GALNT14: variants seen among roughly 807,000 people sequenced by gnomAD.
The protein encoded by GALNT14 is UDP-GalNAc:polypeptide N-acetylgalactosaminyltransferase 14.
In GALNT14, 60 loss-of-function variants were observed where a neutral mutation model predicts 77.5. The observed-to-expected ratio is 0.77, with a 90% confidence interval of 0.63 to 0.96. GALNT14 has a LOEUF of 0.96. Ranked by LOEUF, GALNT14 falls within the 40% of genes least tolerant of loss-of-function variation. The pLI is 0.00. For synonymous variants in GALNT14, 280 were observed against 281.7 expected (o/e 0.99, Z 0.06); for missense variants, 710 against 731.0 (o/e 0.97, Z 0.33).
chr2:31,104,173 T>C (rs1677433025), intron 1 of GALNT14, among the ~76,000 whole-genome samples: 1 of 152,186 alleles, frequency 6.6e-6, no homozygotes, highest in South Asian at 2.1e-4. Context: ...AGTCTTTCTT[T>C]CTGTCTCTCT....
chr2:30,988,614 C>T (rs984547500), intron 2 of GALNT14, among the ~76,000 whole-genome samples: 11 of 152,126 alleles, frequency 7.2e-5, no homozygotes, highest in African/African-American at 2.7e-4. Flanking sequence ...CCTCTACTCT[C>T]GACTCAGACC....
intron 1 of GALNT14, among the ~76,000 whole-genome samples, chr2:31,122,921 C>T (rs139378701): frequency 0.012 from 1,819 of 152,276 alleles, 41 homozygotes; most frequent in African/African-American, 0.041. Flanking sequence ...GTGGCTTACG[C>T]CTGTAATCCC....
intron 13 of GALNT14, among the ~76,000 whole-genome samples, chr2:30,922,235 G>C (rs1383325119): frequency 1.2e-5 from 1 of 84,166 alleles, no homozygotes; most frequent in African/African-American, 4.8e-5. Flanking sequence ...AGAAAGTCCA[G>C]GTAGGAGATC....
At chr2:30,961,683 T>A (rs1667698833) in intron 3 of GALNT14, among the ~76,000 whole-genome samples, 1 of 150,408 alleles carries the variant, frequency 6.6e-6, no homozygotes, top group African/African-American at 2.5e-5. Flanking sequence ...GGTTAGACTT[T>A]CTTTTTTTTT....
chr2:30,977,634 G>A (rs754189002), intron 2 of GALNT14, among the ~76,000 whole-genome samples: 1 of 152,146 alleles, frequency 6.6e-6, no homozygotes, highest in African/African-American at 2.4e-5. Flanking sequence ...AGTAAGGCCT[G>A]CAGCCAAGGA....
intron 1 of GALNT14, among the ~76,000 whole-genome samples, chr2:31,076,421 C>T (rs1675790323): frequency 6.6e-6 from 1 of 152,056 alleles, no homozygotes; most frequent in Non-Finnish European, 1.5e-5. Flanking sequence ...TGTCTCCACC[C>T]CCGCTCTGAG....
Position 31,121,067 on chromosome 2 carries a change from T to G in GALNT14, c.129+16891A>C, listed in dbSNP as rs773779724. 2.4e-4 allele frequency among the ~76,000 whole-genome samples: 37 copies of G among 152,300 alleles called. No homozygotes were observed. The Middle Eastern group carries it at 0.01, about 42-fold the overall frequency. On this transcript the variant is annotated intron_variant, in intron 1 of 14. Transcript: ENST00000349752. ...AAGAAAGAATTCTTCCAGGCCCTGG[T>G]CACATCAGCAGGGATGTCTTCACAG...
At chr2:30,912,982 C>T (rs1664461004) in intron 13 of GALNT14, among the ~76,000 whole-genome samples, 1 of 152,016 alleles carries the variant, frequency 6.6e-6, no homozygotes, top group African/African-American at 2.4e-5. Context: ...ATCTTTTGGC[C>T]CCTGAGCTCT....
chr2:30,944,159 C>G (rs1352246817), intron 8 of GALNT14, among the ~76,000 whole-genome samples: 2 of 152,130 alleles, frequency 1.3e-5, no homozygotes, highest in Non-Finnish European at 2.9e-5. Context: ...GTTTACTGTC[C>G]AGTAGGTAGG....
chr2:30,971,396 T>C (rs973717260), intron 2 of GALNT14, among the ~76,000 whole-genome samples: 1 of 152,182 alleles, frequency 6.6e-6, no homozygotes, highest in Admixed American at 6.5e-5. Flanking sequence ...AGAGTCTCCA[T>C]GAGCCAGGAG....
the GALNT14 span, among the ~76,000 whole-genome samples, chr2:30,905,151 C>T: frequency 5.4e-4 from 82 of 151,988 alleles, no homozygotes; most frequent in African/African-American, 1.8e-3. Flanking sequence ...AAAAGCAGAG[C>T]GCCTCTCCTC....
intron 1 of GALNT14, among the ~76,000 whole-genome samples, chr2:31,081,553 G>T (rs1022226445): frequency 6.6e-6 from 1 of 152,174 alleles, no homozygotes; most frequent in African/African-American, 2.4e-5. Flanking sequence ...TACACTTACA[G>T]CAAAAAATAG....
intron 1 of GALNT14, among the ~76,000 whole-genome samples, chr2:31,108,420 A>G (rs1259014613): frequency 1.3e-5 from 2 of 152,256 alleles, no homozygotes; most frequent in African/African-American, 4.8e-5. Context: ...CCGCTCAATT[A>G]CACAGGCGGG....
At chr2:30,950,460 C>T (rs1481823378) in intron 6 of GALNT14, among the ~76,000 whole-genome samples, 1 of 152,168 alleles carries the variant, frequency 6.6e-6, no homozygotes, top group East Asian at 1.9e-4. Flanking sequence ...CCAATTACAG[C>T]TTAAAATTTC....
At chr2:30,942,404 G>T in intron 8 of GALNT14, 100 bp from the exon 9 acceptor site, 1 of 844,844 alleles carries the variant, frequency 1.2e-6, no homozygotes, top group Non-Finnish European at 1.9e-6. Context: ...TTCCCATTTG[G>T]GGAAAGAAAA....
chr2:31,052,286 C>A (rs1002147766), intron 1 of GALNT14, among the ~76,000 whole-genome samples: 1 of 152,134 alleles, frequency 6.6e-6, no homozygotes, highest in Non-Finnish European at 1.5e-5. Context: ...CTTCTGTGAG[C>A]CTTGGTGTCC....
intron 1 of GALNT14, among the ~76,000 whole-genome samples, chr2:31,085,330 T>G (rs1676375790): frequency 1.3e-5 from 2 of 152,118 alleles, no homozygotes; most frequent in Admixed American, 1.3e-4. Context: ...ATCAGGACAA[T>G]GAGAAGGGCC....
rs557659385 is a variant in GALNT14, at chr2:31,005,309, C to G, written c.130-12302G>C. On this transcript the variant is annotated intron_variant, in intron 1 of 14. Coordinates refer to ENST00000349752, the MANE Select transcript of GALNT14 (RefSeq NM_024572.4). ...AGTGGAGATGGGCTAAAAAGGGAAGCGCAGCCCCAGGGATGACTCCTCTAA... is the reference window on the plus strand; with the variant it reads ...AGTGGAGATGGGCTAAAAAGGGAAGGGCAGCCCCAGGGATGACTCCTCTAA... 2.0e-5 allele frequency among the ~76,000 whole-genome samples: 3 copies of G among 152,022 alleles called. No individual in the cohort carries two copies. The South Asian group carries it at 6.2e-4, about 31-fold the overall frequency.
chr2:31,065,892 C>T (rs145348356), intron 1 of GALNT14, among the ~76,000 whole-genome samples: 65 of 152,240 alleles, frequency 4.3e-4, no homozygotes, highest in African/African-American at 1.4e-3. Context: ...ACCTAAGTAT[C>T]CCCCAGAGAC....
Sources: gnomAD v4.1 joint callset for allele counts (sites outside exome capture counted in the v4.1 genomes callset) on GRCh38, gnomAD v4.1.1 for gene constraint, MANE v1.5 for transcripts, NCBI Gene and HGNC (gene_info 2026-07-23, HGNC 2026-07-21) for gene names.